The following CNTN6 variants were observed in gnomAD, a reference collection of about 807,000 sequenced individuals.
CNTN6 encodes contactin 6.
In CNTN6, 137 loss-of-function variants were observed where a neutral mutation model predicts 122.8. The ratio of observed to expected loss-of-function variants is 1.12; its 90% CI spans 0.97 to 1.29. The LOEUF (loss-of-function observed/expected upper bound fraction) is 1.29. Ranked by LOEUF, CNTN6 falls within the 50% of genes most tolerant of loss-of-function variation. CNTN6 has a pLI of 0.00. For synonymous variants in CNTN6, 570 were observed against 426.0 expected, an observed-to-expected ratio of 1.34 and a Z score of -4.16; for missense variants, 1,634 against 1,223.4, an observed-to-expected ratio of 1.34 and a Z score of -5.01.
chr3:1,114,194 G>A (rs774278883), intron 1 of CNTN6, among the ~76,000 whole-genome samples: 3 of 152,140 alleles, frequency 2.0e-5, no homozygotes, highest in African/African-American at 4.8e-5. Context: ...GTTGAAATAA[G>A]ATAAAAGAAA....
chr3:1,267,971 C>A (rs2094953550), intron 4 of CNTN6, among the ~76,000 whole-genome samples: 1 of 152,066 alleles, frequency 6.6e-6, no homozygotes, highest in South Asian at 2.1e-4. Context: ...GAAGATTTGG[C>A]CTTTTCTGGA....
chr3:1,280,878 G>A (rs1693288879), intron 5 of CNTN6, among the ~76,000 whole-genome samples: 1 of 152,094 alleles, frequency 6.6e-6, no homozygotes, highest in African/African-American at 2.4e-5. Flanking sequence ...TGGCTGTTAA[G>A]GGACACTCTC....
At chr3:1,311,324 ATACATATATG>A (rs1699221571) in intron 7 of CNTN6, among the ~76,000 whole-genome samples, 1 of 143,212 alleles carries the variant, frequency 7.0e-6, no homozygotes, top group Non-Finnish European at 1.5e-5. Context: ...AAATGTATAT[ATACATATATG>A]TACATATAAA....
intron 1 of CNTN6, among the ~76,000 whole-genome samples, chr3:1,132,551 C>G (rs2092363819): frequency 6.6e-6 from 1 of 151,584 alleles, no homozygotes; most frequent in Non-Finnish European, 1.5e-5. Context: ...ATAGAAAGAC[C>G]CTGTTTGGGG....
chr3:1,366,465 T>C (rs913601671), intron 12 of CNTN6, among the ~76,000 whole-genome samples: 2 of 152,146 alleles, frequency 1.3e-5, no homozygotes, highest in Admixed American at 1.3e-4. Flanking sequence ...GAGTAGAATA[T>C]AGGATCTGAG....
intron 2 of CNTN6, among the ~76,000 whole-genome samples, chr3:1,191,563 GT>G (rs1484211031): frequency 6.6e-6 from 1 of 152,166 alleles, no homozygotes; most frequent in African/African-American, 2.4e-5. Context: ...TCAGCCAGCT[GT>G]TTATTCGTAT....
chr3:1,347,037 G>C (rs1704837205), intron 11 of CNTN6, among the ~76,000 whole-genome samples: 1 of 152,130 alleles, frequency 6.6e-6, no homozygotes, highest in Non-Finnish European at 1.5e-5. Context: ...CAACTTATCA[G>C]TTAAACTTGA....
chr3:1,310,148 A>G (rs145184464), intron 7 of CNTN6, among the ~76,000 whole-genome samples: 1 of 152,236 alleles, frequency 6.6e-6, no homozygotes, highest in African/African-American at 2.4e-5. Context: ...AGGATTTCCA[A>G]TACAATGATG....
chr3:1,233,740 A>AC (rs1198825906), intron 4 of CNTN6, among the ~76,000 whole-genome samples: 1 of 149,438 alleles, frequency 6.7e-6, no homozygotes, highest in Admixed American at 6.7e-5. Flanking sequence ...GTCTCAAAAA[A>AC]AAAAAAAAAA....
rs200862159 is a variant in CNTN6 at position 1,316,164 on chromosome 3, GTACTAT to G, written c.762-5480_762-5475del. On this transcript the variant is annotated intron_variant, in intron 7 of 22. Transcript: ENST00000446702. ...TCCTCAAAATAAGCCTATGAATTGTGTACTATTACTAATTACCATGCTATAAATGAG... is the reference window on the plus strand; with the variant it reads ...TCCTCAAAATAAGCCTATGAATTGTGTACTAATTACCATGCTATAAATGAG... Among the ~76,000 whole-genome samples the G allele has an allele frequency of 8.0e-3, 1,222 of 152,020 alleles. 16 individuals carry two copies. Among genetic ancestry groups the G allele is most frequent in the Middle Eastern group, 0.034 (10 of 294 alleles).
At position 1,180,633 on chromosome 3, in the gene CNTN6, T is replaced by C. The variant is rs183810455; in HGVS notation, c.55+32570T>C. On this transcript the variant is annotated intron_variant, in intron 2 of 22. Transcript: ENST00000446702. The stretch of plus-strand genomic sequence containing the variant: ...AGCTAATTGGAAAGAGCATTAGATA[T>C]GGAATTTTGAAAAACAGGCTTAAAT... Among the ~76,000 whole-genome samples, 335 of 152,346 alleles carry C rather than the reference T, an allele frequency of 2.2e-3. 1 individual carries two copies. Among genetic ancestry groups the C allele is most frequent in the Non-Finnish European group, 2.5e-3 (169 of 68,032 alleles).
intron 4 of CNTN6, among the ~76,000 whole-genome samples, chr3:1,229,131 G>A (rs529418533): frequency 5.3e-5 from 8 of 152,200 alleles, no homozygotes; most frequent in Non-Finnish European, 7.3e-5. Flanking sequence ...AGAAGTGAAC[G>A]TGGAAGTTTA....
chr3:1,343,189 A>T (rs1288022378), intron 11 of CNTN6, among the ~76,000 whole-genome samples: 1 of 152,222 alleles, frequency 6.6e-6, no homozygotes, highest in Non-Finnish European at 1.5e-5. Flanking sequence ...TATAATGCAT[A>T]TAACATACAA....
At chr3:1,363,464 T>A (rs930895183) in intron 12 of CNTN6, among the ~76,000 whole-genome samples, 8 of 151,994 alleles carry the variant, frequency 5.3e-5, no homozygotes, top group Admixed American at 5.2e-4. Context: ...AGTATCTATT[T>A]GTATGTATTT....
At chr3:1,347,192 A>G (rs947108120) in intron 11 of CNTN6, among the ~76,000 whole-genome samples, 2 of 152,182 alleles carry the variant, frequency 1.3e-5, no homozygotes, top group African/African-American at 4.8e-5. Flanking sequence ...TGCATGGTAC[A>G]ATACAAACGC....
chr3:1,244,573 G>A (rs1481056450), intron 4 of CNTN6, among the ~76,000 whole-genome samples: 3 of 152,170 alleles, frequency 2.0e-5, no homozygotes, highest in Admixed American at 1.3e-4. Context: ...GGAGGACGGG[G>A]GATTGATCTC....
intron 2 of CNTN6, among the ~76,000 whole-genome samples, chr3:1,183,578 C>A (rs891917541): frequency 4.6e-5 from 7 of 151,998 alleles, no homozygotes; most frequent in African/African-American, 1.7e-4. Context: ...ACATTCTGGA[C>A]ACATTCCTAC....
intron 7 of CNTN6, among the ~76,000 whole-genome samples, chr3:1,301,188 C>A (rs1038500453): frequency 1.3e-5 from 2 of 151,950 alleles, no homozygotes; most frequent in Admixed American, 6.6e-5. Context: ...AGGCACCTGC[C>A]ACCACACCCA....
intron 2 of CNTN6, among the ~76,000 whole-genome samples, chr3:1,209,720 T>C (rs1029075789): frequency 6.8e-6 from 1 of 148,132 alleles, no homozygotes; most frequent in African/African-American, 2.5e-5. Context: ...CTCCAGTTGT[T>C]GGTTGGACAG....
Sources: allele counts gnomAD v4.1 joint callset (sites outside exome capture counted in the v4.1 genomes callset), GRCh38; gene constraint gnomAD v4.1.1; transcripts MANE v1.5; gene names NCBI Gene and HGNC (gene_info 2026-07-23, HGNC 2026-07-21).